CTSB: variants seen among roughly 807,000 people sequenced by gnomAD.
The protein encoded by CTSB is cathepsin B, also known as APP secretase.
In CTSB, 57 loss-of-function variants were observed where a neutral mutation model predicts 44.3. The ratio of observed to expected loss-of-function variants is 1.29; its 90% CI spans 1.04 to 1.60. The LOEUF is 1.60. CTSB is among the 40% of genes most tolerant of loss of function. The pLI is 0.00. For missense variants in CTSB, 768 were observed against 443.0 expected, an observed-to-expected ratio of 1.73 and a Z score of -6.59; for synonymous variants, 320 against 168.0, an observed-to-expected ratio of 1.91 and a Z score of -7.00.
chr8:11,858,709 A>G (rs1219475951), intron 1 of CTSB, among the ~76,000 whole-genome samples: 2 of 152,210 alleles, frequency 1.3e-5, no homozygotes, highest in Non-Finnish European at 2.9e-5. Flanking sequence ...AGGTCCTGAC[A>G]GCAGTGGCAA....
chr8:11,862,130 C>G (rs2150446345), intron 1 of CTSB, among the ~76,000 whole-genome samples: 1 of 151,908 alleles, frequency 6.6e-6, no homozygotes, highest in African/African-American at 2.4e-5. Context: ...TGGCGTGAAC[C>G]CGGGAGGCGG....
At chr8:11,848,521 C>G (rs761202183) in intron 5 of CTSB, 2 of 376,034 alleles carry the variant, frequency 5.3e-6, no homozygotes, top group Non-Finnish European at 1.0e-5. Flanking sequence ...AAATGAGAAT[C>G]GCCAGTGATT....
At chr8:11,849,453 G>T in intron 4 of CTSB, 1 of 217,206 alleles carries the variant, frequency 4.6e-6, no homozygotes, top group South Asian at 5.7e-5. Flanking sequence ...CCACTCTCCT[G>T]CCTCAACGAT....
At chr8:11,856,189 G>C (rs1815478719) in intron 1 of CTSB, among the ~76,000 whole-genome samples, 4 of 141,388 alleles carry the variant, frequency 2.8e-5, no homozygotes, top group Admixed American at 2.8e-4. Context: ...GAGTGCCTGG[G>C]GTGGGTGGGC....
At chr8:11,865,852 C>CAAAAAAAAA (rs371697545) in intron 1 of CTSB, among the ~76,000 whole-genome samples, 1 of 84,274 alleles carries the variant, frequency 1.2e-5, no homozygotes, top group Non-Finnish European at 2.4e-5. Flanking sequence ...ACTAAAAATA[C>CAAAAAAAAA]AAAAAAAAAA....
chr8:11,848,653 C>A (rs529381163), intron 5 of CTSB: 1 of 306,214 alleles, frequency 3.3e-6, no homozygotes, highest in Non-Finnish European at 6.4e-6. Context: ...GCAGCTGGAG[C>A]AGAAAGTTCT....
At chr8:11,847,309 G>A in intron 7 of CTSB, 141 bp from the exon 8 acceptor site, 2 of 667,228 alleles carry the variant, frequency 3.0e-6, no homozygotes, top group East Asian at 2.5e-5. Flanking sequence ...GGGAGCTCAA[G>A]GAAGGCTCCC....
rs367715642 is a variant in CTSB at position 11,847,130 on chromosome 8, T to C, written c.715A>G (p.Ile239Val). The change falls in exon 8 of 10, where the codon ATC becomes GTC. Residue 239 changes from isoleucine (I) to valine (V), a missense_variant. Coordinates refer to ENST00000353047, the MANE Select transcript of CTSB (RefSeq NM_001908.5). ...CCGTTTTTGTAGATCTCGGCCATGA[T>C]GTCCTTCTCGCTATTGGAGACGCTG... Reference protein sequence around the residue: ...SYSVSNSEKDIMAEIYKNGPV... With the variant: ...SYSVSNSEKDVMAEIYKNGPV... The C allele has an allele frequency of 1.9e-6, 3 of 1,601,724 alleles. No individual in the cohort carries two copies. The African/African-American group carries it at 4.2e-5, about 22-fold the overall frequency.
intron 4 of CTSB, chr8:11,849,396 T>C (rs902029629): frequency 2.7e-6 from 1 of 372,318 alleles, no homozygotes; most frequent in Non-Finnish European, 5.2e-6. Context: ...TTTGCCCACC[T>C]TGGCCTCCCA....
intron 1 of CTSB, 196 bp downstream of exon 1, chr8:11,867,805 A>G (rs371774235): frequency 6.6e-5 from 10 of 151,958 alleles, no homozygotes; most frequent in East Asian, 3.9e-4. Flanking sequence ...GACGCTTCGG[A>G]GCGCGCGGAC....
At chr8:11,865,020 G>A (rs978408284) in intron 1 of CTSB, among the ~76,000 whole-genome samples, 2 of 152,108 alleles carry the variant, frequency 1.3e-5, no homozygotes, top group Non-Finnish European at 2.9e-5. Context: ...CCATGCCAGG[G>A]CGCAAGGTTT....
intron 9 of CTSB, 36 bp downstream of exon 9, chr8:11,845,618 CTCACAAT>C: frequency 6.3e-7 from 1 of 1,598,350 alleles, no homozygotes; most frequent in Non-Finnish European, 8.6e-7. Flanking sequence ...CGGGGTGTGG[CTCACAAT>C]TCACTGTTCT....
At chr8:11,862,952 G>T (rs1312851149) in intron 1 of CTSB, among the ~76,000 whole-genome samples, 5 of 152,176 alleles carry the variant, frequency 3.3e-5, no homozygotes, top group African/African-American at 1.2e-4. Context: ...TTACTGGCCT[G>T]GTAAAGACAG....
chr8:11,845,806 T>C lies in CTSB; in HGVS notation c.794-17A>G. 1 of 1,603,240 alleles carries C rather than the reference T, an allele frequency of 6.2e-7. No homozygotes were observed. Among genetic ancestry groups the C allele is most frequent in the South Asian group, 1.1e-5 (1 of 90,422 alleles). On this transcript the variant is annotated splice_polypyrimidine_tract_variant and intron_variant, in intron 8 of 9. Coordinates refer to ENST00000353047, the MANE Select transcript of CTSB (RefSeq NM_001908.5). Reference sequence around the variant, plus strand: ...GGTACACTCCTGAAAAGGGAAGAACTGGCTGAGACCGAGACCGGGCCACTG... The same window carrying C: ...GGTACACTCCTGAAAAGGGAAGAACCGGCTGAGACCGAGACCGGGCCACTG...
intron 1 of CTSB, chr8:11,865,587 C>CAAAA (rs796558910): frequency 7.4e-6 from 1 of 134,882 alleles, no homozygotes. Context: ...GACTCCACCT[C>CAAAA]AAAAAAAAAA....
intron 6 of CTSB, 26 bp downstream of exon 6, chr8:11,848,041 G>A (rs148664338): frequency 2.2e-5 from 34 of 1,562,186 alleles, no homozygotes; most frequent in Non-Finnish European, 2.8e-5. Flanking sequence ...CATCTGGCCA[G>A]AAAGTGGCCA....
chr8:11,860,548 C>G (rs1229491182), intron 1 of CTSB, among the ~76,000 whole-genome samples: 6 of 152,148 alleles, frequency 3.9e-5, no homozygotes, highest in Non-Finnish European at 7.3e-5. Flanking sequence ...TGCTTGAACC[C>G]AGGAGGTGGA....
intron 1 of CTSB, chr8:11,867,113 G>T (rs1459528641): frequency 6.6e-6 from 1 of 151,862 alleles, no homozygotes; most frequent in Admixed American, 6.5e-5. Context: ...CGCCTGGGAA[G>T]GGGGTGACAG....
intron 1 of CTSB, among the ~76,000 whole-genome samples, chr8:11,859,292 CG>C (rs1563425283): frequency 6.6e-6 from 1 of 152,062 alleles, no homozygotes; most frequent in Non-Finnish European, 1.5e-5. Flanking sequence ...CTTCCTCCCC[CG>C]GCAAACGGCA....
Sources: allele counts gnomAD v4.1 joint callset (sites outside exome capture counted in the v4.1 genomes callset), GRCh38; gene constraint gnomAD v4.1.1; transcripts MANE v1.5; gene names NCBI Gene and HGNC (gene_info 2026-07-23, HGNC 2026-07-21).